Variants in STAMBP observed in about 807,000 individuals in gnomAD.
The protein encoded by STAMBP is STAM binding protein.
Under a neutral mutation model 50.7 loss-of-function variants are expected in STAMBP, and 31 were observed. The observed-to-expected ratio is 0.61, with a 90% CI of 0.46 to 0.83. The LOEUF (loss-of-function observed/expected upper bound fraction) is 0.83, where lower values mean the gene tolerates loss of function less well. Among genes scored for constraint, STAMBP ranks in the 40% least tolerant of loss-of-function variants. The probability of loss-of-function intolerance (pLI) is 0.00; values close to 1 mark genes in which losing one functional copy is unlikely to be tolerated. For synonymous variants in STAMBP, 211 were observed against 192.4 expected (o/e 1.10, Z -0.80); for missense variants, 472 against 518.9 (o/e 0.91, Z 0.88).
chr2:73,859,730 A>AAATAAAAG (rs397795863), intron 8 of STAMBP, among the ~76,000 whole-genome samples: 42 of 151,146 alleles, frequency 2.8e-4, no homozygotes, highest in African/African-American at 9.8e-4. Context: ...AAAAATAAAA[A>AAATAAAAG]TAAAAAATAA....
intron 2 of STAMBP, among the ~76,000 whole-genome samples, chr2:73,837,783 A>G (rs535237304): frequency 3.3e-5 from 5 of 152,286 alleles, no homozygotes; most frequent in African/African-American, 1.2e-4. Flanking sequence ...TCCATGGAAC[A>G]TAAAAGATCA....
At chr2:73,859,470 C>T in intron 8 of STAMBP, 104 bp downstream of exon 8, 1 of 877,370 alleles carries the variant, frequency 1.1e-6, no homozygotes, top group Middle Eastern at 2.5e-4. Context: ...TTGTAAAATA[C>T]ATAGATTATA....
At chr2:73,853,208 T>C (rs1328278064) in intron 7 of STAMBP, among the ~76,000 whole-genome samples, 1 of 152,114 alleles carries the variant, frequency 6.6e-6, no homozygotes, top group African/African-American at 2.4e-5. Context: ...GAGTAGACTG[T>C]AAGAGTTTAA....
intron 10 of STAMBP, among the ~76,000 whole-genome samples, chr2:73,872,385 C>T (rs1015243174): frequency 2.0e-5 from 3 of 152,182 alleles, no homozygotes; most frequent in South Asian, 2.1e-4. Flanking sequence ...AGCAGCTGGA[C>T]GATGGGGTAG....
At chr2:73,855,365 A>G (rs1208601295) in intron 7 of STAMBP, among the ~76,000 whole-genome samples, 1 of 152,232 alleles carries the variant, frequency 6.6e-6, no homozygotes, top group East Asian at 1.9e-4. Flanking sequence ...ATAATGAACT[A>G]TTCATTCAAG....
At chr2:73,839,733 A>T (rs1271263550) in intron 2 of STAMBP, among the ~76,000 whole-genome samples, 1 of 152,214 alleles carries the variant, frequency 6.6e-6, no homozygotes, top group Non-Finnish European at 1.5e-5. Flanking sequence ...GGTGGCCACT[A>T]TTGTATTTCT....
intron 2 of STAMBP, 120 bp from the exon 3 acceptor site, chr2:73,844,693 C>T (rs936769806): frequency 1.4e-5 from 10 of 739,636 alleles, no homozygotes; most frequent in Admixed American, 2.9e-5. Context: ...TTAGCTCTCC[C>T]TCCGCTGCAC....
intron 7 of STAMBP, among the ~76,000 whole-genome samples, chr2:73,851,072 A>G (rs1308688763): frequency 6.6e-6 from 1 of 152,184 alleles, no homozygotes; most frequent in Non-Finnish European, 1.5e-5. Context: ...TTTTCTTTCT[A>G]TTCCTTTTCA....
chr2:73,858,637 G>A (rs1352450518), intron 7 of STAMBP, among the ~76,000 whole-genome samples: 1 of 152,062 alleles, frequency 6.6e-6, no homozygotes, highest in East Asian at 1.9e-4. Flanking sequence ...ATGAACAGTA[G>A]TCACCATGTT....
At chr2:73,853,429 A>C (rs1182263623) in intron 7 of STAMBP, among the ~76,000 whole-genome samples, 1 of 152,202 alleles carries the variant, frequency 6.6e-6, no homozygotes, top group Non-Finnish European at 1.5e-5. Flanking sequence ...ACAGAAACTA[A>C]ATATATACTT....
intron 7 of STAMBP, among the ~76,000 whole-genome samples, chr2:73,854,343 T>C (rs1037181874): frequency 2.6e-5 from 4 of 152,112 alleles, no homozygotes; most frequent in Admixed American, 2.6e-4. Context: ...GGGGGAAAGT[T>C]TAGAATCATT....
At chr2:73,854,889 T>G (rs1677347233) in intron 7 of STAMBP, among the ~76,000 whole-genome samples, 1 of 152,104 alleles carries the variant, frequency 6.6e-6, no homozygotes, top group African/African-American at 2.4e-5. Context: ...CTTGGGAGGC[T>G]GAGGCAGGAA....
At chr2:73,854,204 A>G (rs956075772) in intron 7 of STAMBP, among the ~76,000 whole-genome samples, 1 of 152,182 alleles carries the variant, frequency 6.6e-6, no homozygotes, top group Admixed American at 6.5e-5. Flanking sequence ...ATCCAGAGAG[A>G]TTTTTGAAAT....
chr2:73,858,217 G>T (rs1220268727), intron 7 of STAMBP, among the ~76,000 whole-genome samples: 1 of 139,526 alleles, frequency 7.2e-6, no homozygotes, highest in East Asian at 2.1e-4. Context: ...TGTTAGCCAG[G>T]ATGGTCTTGA....
chr2:73,868,827 A>G (rs1679072820), downstream of STAMBP, among the ~76,000 whole-genome samples: 1 of 152,158 alleles, frequency 6.6e-6, no homozygotes, highest in Non-Finnish European at 1.5e-5. Flanking sequence ...GTGAGCTGTG[A>G]TAGCGCCACT....
chr2:73,845,919 G>A (rs935735049), intron 4 of STAMBP, among the ~76,000 whole-genome samples: 5 of 152,056 alleles, frequency 3.3e-5, no homozygotes, highest in African/African-American at 4.8e-5. Flanking sequence ...GGCGTGAGCC[G>A]CTGCACCCAG....
chr2:73,837,854 G>A (rs1042512910), intron 2 of STAMBP, among the ~76,000 whole-genome samples: 2 of 152,272 alleles, frequency 1.3e-5, no homozygotes, highest in Middle Eastern at 3.4e-3. Flanking sequence ...TGAGCCCTGA[G>A]GTTAGTTAAT....
intron 2 of STAMBP, among the ~76,000 whole-genome samples, chr2:73,843,191 CTTT>C (rs34680117): frequency 7.7e-6 from 1 of 129,890 alleles, no homozygotes. Context: ...TTATATCTTT[CTTT>C]TTTTTTTTTT....
At chr2:73,870,598 A>C (rs1416279273), downstream of STAMBP, among the ~76,000 whole-genome samples, 1 of 152,236 alleles carries the variant, frequency 6.6e-6, no homozygotes, top group Non-Finnish European at 1.5e-5. Context: ...TGGACAAATC[A>C]TAATGGGTTA....
Sources: allele counts gnomAD v4.1 joint callset (sites outside exome capture counted in the v4.1 genomes callset), GRCh38; gene constraint gnomAD v4.1.1; transcripts MANE v1.5; gene names NCBI Gene and HGNC (gene_info 2026-07-23, HGNC 2026-07-21).